The following TRIP12 variants were observed in gnomAD, a reference collection of about 807,000 sequenced individuals.
TRIP12 encodes thyroid hormone receptor interactor 12, also known as E3 ubiquitin-protein ligase TRIP12.
Under a neutral mutation model 244.2 loss-of-function variants are expected in TRIP12, and 25 were observed. The ratio of observed to expected loss-of-function variants is 0.10; its 90% CI spans 0.07 to 0.14. The LOEUF (loss-of-function observed/expected upper bound fraction) is 0.14, where lower values mean the gene tolerates loss of function less well. TRIP12 is among the 10% of genes least tolerant of loss of function. The pLI is 1.00. For missense variants in TRIP12, 1,677 were observed against 2,486.4 expected, an observed-to-expected ratio of 0.67 and a Z score of 6.92; for synonymous variants, 905 against 873.1, an observed-to-expected ratio of 1.04 and a Z score of -0.64.
chr2:229,922,536 C>G (rs1481793717), upstream of TRIP12: 9 of 1,613,910 alleles, frequency 5.6e-6, no homozygotes, highest in East Asian at 1.3e-4. Flanking sequence ...CTGCCGGAGA[C>G]TCTCTTTGAA....
At chr2:229,895,982 T>C (rs115829595) in intron 1 of TRIP12, among the ~76,000 whole-genome samples, 1 of 151,864 alleles carries the variant, frequency 6.6e-6, no homozygotes, top group Non-Finnish European at 1.5e-5. Context: ...TGAGACACCA[T>C]CTCTAAAAAA....
At chr2:229,857,120 A>G (rs2059724945) in intron 4 of TRIP12, among the ~76,000 whole-genome samples, 1 of 152,246 alleles carries the variant, frequency 6.6e-6, no homozygotes, top group African/African-American at 2.4e-5. Flanking sequence ...AATATGAGCT[A>G]TACTTTGACA....
intron 4 of TRIP12, among the ~76,000 whole-genome samples, chr2:229,851,781 G>A (rs904522694): frequency 3.3e-5 from 5 of 151,880 alleles, no homozygotes; most frequent in South Asian, 2.1e-4. Context: ...CTGAGCCAGC[G>A]AGACCATGAA....
intron 2 of TRIP12, among the ~76,000 whole-genome samples, chr2:229,873,292 CT>C (rs1365314034): frequency 6.6e-6 from 1 of 152,156 alleles, no homozygotes; most frequent in Non-Finnish European, 1.5e-5. Context: ...AAAAAAGTCC[CT>C]TGGACCAAGC....
At chr2:229,912,329 G>A (rs909480749) in intron 1 of TRIP12, among the ~76,000 whole-genome samples, 1 of 152,142 alleles carries the variant, frequency 6.6e-6, no homozygotes, top group Non-Finnish European at 1.5e-5. Context: ...TTTGTTTTCA[G>A]TTCATTCATA....
chr2:229,880,738 G>A (rs889895519), intron 1 of TRIP12, among the ~76,000 whole-genome samples: 1 of 152,192 alleles, frequency 6.6e-6, no homozygotes, highest in Admixed American at 6.5e-5. Context: ...GAGGTCAGGA[G>A]TTCAACACCA....
In TRIP12 at chr2:229,903,018, C is replaced by CTTT. The variant is rs57794819; in HGVS notation, c.-50+18859_-50+18861dup. Among the ~76,000 whole-genome samples the CTTT allele has an allele frequency of 3.8e-4, 40 of 104,880 alleles. 6 individuals are homozygous for CTTT. Among genetic ancestry groups the CTTT allele is most frequent in the Admixed American group, 7.8e-4 (7 of 9,010 alleles). 68.8% of individuals were successfully genotyped at this position (104,880 alleles called of 152,430 possible). On this transcript the variant is annotated intron_variant, in intron 1 of 41. Transcript: ENST00000675903. ...GGTTTTTTTTTCTTTTTCTTTTTTT[C>CTTT]TTTTTTTTTTTTTTTTTTGCCAGAA... is the stretch of plus-strand genomic sequence containing the variant.
chr2:229,829,099 A>G (rs1390213412), intron 8 of TRIP12, 94 bp downstream of exon 8: 26 of 1,170,898 alleles, frequency 2.2e-5, no homozygotes, highest in Non-Finnish European at 2.9e-5. Context: ...AAAGTTGATG[A>G]AAAACTTCTT....
chr2:229,920,556 C>T (rs2076309391), intron 1 of TRIP12, among the ~76,000 whole-genome samples: 1 of 152,044 alleles, frequency 6.6e-6, no homozygotes, highest in African/African-American at 2.4e-5. Flanking sequence ...CACCACCAGA[C>T]TCGATGCTTA....
chr2:229,846,027 A>AAG, intron 4 of TRIP12, among the ~76,000 whole-genome samples: 1 of 151,770 alleles, frequency 6.6e-6, no homozygotes, highest in South Asian at 2.1e-4. Flanking sequence ...AAAAAAAAAA[A>AAG]AAAAGGTGGG....
chr2:229,882,896 T>C (rs1434554469), intron 1 of TRIP12, among the ~76,000 whole-genome samples: 1 of 152,224 alleles, frequency 6.6e-6, no homozygotes, highest in African/African-American at 2.4e-5. Flanking sequence ...TGTCGATAAT[T>C]CTTGAGATAT....
Position 229,880,065 on chromosome 2 carries a change from A to G in TRIP12, c.15T>C (p.Pro5=). The G allele has an allele frequency of 6.2e-7, 1 of 1,614,126 alleles. No individual in the cohort carries two copies. ...GCAGTGACCCCCCTGGATTGTTATT[A>G]GGCCGGTTGGACATTGGCACCTCTC... MSNR[P]NNNPGGSLRR... is the part of the protein sequence containing the mutation. The change falls in exon 2 of 42, where the codon CCT becomes CCC. Residue 5 remains proline (P), a synonymous_variant. Coordinates refer to ENST00000675903, the MANE Select transcript of TRIP12 (RefSeq NM_001348323.3).
At chr2:229,910,003 T>TAA (rs2073955319) in intron 1 of TRIP12, among the ~76,000 whole-genome samples, 1 of 152,256 alleles carries the variant, frequency 6.6e-6, no homozygotes, top group Non-Finnish European at 1.5e-5. Flanking sequence ...GCAACACCTT[T>TAA]AAGAGCTAAA....
At chr2:229,860,797 C>G (rs995467337) in intron 2 of TRIP12, among the ~76,000 whole-genome samples, 3 of 152,046 alleles carry the variant, frequency 2.0e-5, no homozygotes, top group Non-Finnish European at 4.4e-5. Flanking sequence ...GTTAAGGTTG[C>G]TTAAGCAGTA....
In TRIP12 at chr2:229,898,687, G is replaced by C. The variant is rs190726432; in HGVS notation, c.-49-18559C>G. On this transcript the variant is annotated intron_variant, in intron 1 of 41. Coordinates refer to ENST00000675903, the MANE Select transcript of TRIP12 (RefSeq NM_001348323.3). ...TCTTCTCTAAAATTTGCATCAGATAGCATTTTGTTTAAATTTTTTTTTAAA... is the reference window on the plus strand; with the variant it reads ...TCTTCTCTAAAATTTGCATCAGATACCATTTTGTTTAAATTTTTTTTTAAA... Among the ~76,000 whole-genome samples the C allele has an allele frequency of 1.2e-4, 18 of 152,178 alleles. No homozygotes were observed. The East Asian group carries it at 3.5e-3, about 29-fold the overall frequency.
In TRIP12 at chr2:229,778,234, T is replaced by C. The variant is rs1011036842; in HGVS notation, c.5364+199A>G. On this transcript the variant is annotated intron_variant, in intron 36 of 41. Coordinates refer to ENST00000675903, the MANE Select transcript of TRIP12 (RefSeq NM_001348323.3). The surrounding 1 kb of genome is among the most constrained non-coding windows in gnomAD (Gnocchi z 4.1). ...TGGGAGCTGACAGGAAAATTTAGAA[T>C]CTTGGACAGTAGGACAGTCTTACCC... 1.1e-4 allele frequency among the ~76,000 whole-genome samples: 17 copies of C among 152,222 alleles called. No individual in the cohort carries two copies. The highest frequency in any genetic ancestry group is 4.1e-4 in the African/African-American group (17 of 41,540).
At chr2:229,867,174 T>TGTTTG (rs1185297243) in intron 2 of TRIP12, among the ~76,000 whole-genome samples, 26 of 147,684 alleles carry the variant, frequency 1.8e-4, no homozygotes, top group South Asian at 4.3e-4. Context: ...TTTGTTTGTT[T>TGTTTG]TTTTTTTTTG....
At chr2:229,840,716 A>C (rs1472443377) in intron 5 of TRIP12, 106 bp downstream of exon 5, 32 of 849,370 alleles carry the variant, frequency 3.8e-5, no homozygotes, top group Non-Finnish European at 4.1e-5. Context: ...ACAAAACAAA[A>C]CAAACAAAAC....
In TRIP12 at chr2:229,777,570, T is replaced by C. The variant is rs1357729608; in HGVS notation, c.5365-91A>G. The C allele has an allele frequency of 6.2e-6, 8 of 1,300,404 alleles. No homozygotes were observed. The African/African-American group carries it at 1.0e-4, about 17-fold the overall frequency. The allele number at this position is 1,300,404 out of a possible 1,614,324, so 80.6% of individuals were successfully genotyped here. On this transcript the variant is annotated intron_variant, in intron 36 of 41. Coordinates refer to ENST00000675903, the MANE Select transcript of TRIP12 (RefSeq NM_001348323.3). ...GCACTTCAGGAGATCATTTAAATAT[T>C]AATAGGTCAAGTAATCCCCAAGAAA...
Sources: allele counts gnomAD v4.1 joint callset (sites outside exome capture counted in the v4.1 genomes callset), GRCh38; gene constraint gnomAD v4.1.1; non-coding constraint Gnocchi (gnomAD v3.1); transcripts MANE v1.5; gene names NCBI Gene and HGNC (gene_info 2026-07-23, HGNC 2026-07-21).